Variants in SPATA17 observed in about 807,000 individuals in gnomAD.
SPATA17 encodes spermatogenesis-associated protein 17.
Under a neutral mutation model 62.2 loss-of-function variants are expected in SPATA17, and 53 were observed. That is an observed-to-expected ratio of 0.85 (90% confidence interval 0.68 to 1.07). SPATA17 has a LOEUF of 1.07. Ranked by LOEUF, SPATA17 falls within the 50% of genes least tolerant of loss-of-function variation. The pLI is 0.00. For missense variants in SPATA17, 466 were observed against 425.5 expected (o/e 1.10, Z -0.84); for synonymous variants, 146 against 146.8 (o/e 0.99, Z 0.04).
Position 217,680,860 on chromosome 1 carries a change from G to A in SPATA17, c.292-2398G>A, listed in dbSNP as rs1277526973. ...GAATCGTTTGAACCCAGGAGACAGA[G>A]GTTGCAGTGGGCCGAGATCATGCCA... is the stretch of plus-strand genomic sequence containing the variant. On this transcript the variant is annotated intron_variant, in intron 4 of 10. Transcript: ENST00000366933. 2.0e-5 allele frequency among the ~76,000 whole-genome samples: 3 copies of A among 148,654 alleles called. No individual in the cohort carries two copies. The Admixed American group carries it at 2.0e-4, about 10-fold the overall frequency.
In SPATA17 at chr1:217,700,077, C is replaced by A. The variant is rs369492499; in HGVS notation, c.395+16716C>A. On this transcript the variant is annotated intron_variant, in intron 5 of 10. Coordinates refer to ENST00000366933, the MANE Select transcript of SPATA17 (RefSeq NM_138796.4). ...TTATCTACTGTAACTATATAATAAA[C>A]CTTAACGTTGGGCAGGGGGATTCCT... Among the ~76,000 whole-genome samples the A allele has an allele frequency of 1.9e-3, 291 of 152,156 alleles. 2 individuals carry two copies. The highest frequency in any genetic ancestry group is 0.017 in the Middle Eastern group (5 of 294).
intron 5 of SPATA17, among the ~76,000 whole-genome samples, chr1:217,720,178 A>G (rs1485413068): frequency 1.3e-5 from 2 of 152,228 alleles, no homozygotes; most frequent in Non-Finnish European, 2.9e-5. Context: ...AAATTAGTAA[A>G]GGTAAAATGT....
At chr1:217,757,685 G>A (rs1317150816) in intron 6 of SPATA17, among the ~76,000 whole-genome samples, 1 of 152,154 alleles carries the variant, frequency 6.6e-6, no homozygotes, top group Non-Finnish European at 1.5e-5. Flanking sequence ...GTAGAAGCTT[G>A]TACATGTTCG....
intron 9 of SPATA17, among the ~76,000 whole-genome samples, chr1:217,828,394 A>T (rs899023591): frequency 2.0e-5 from 3 of 151,654 alleles, no homozygotes; most frequent in African/African-American, 7.3e-5. Flanking sequence ...ATGAAATTGG[A>T]TGCTATTTTT....
At chr1:217,781,890 T>C (rs776719693) in intron 7 of SPATA17, among the ~76,000 whole-genome samples, 9 of 152,174 alleles carry the variant, frequency 5.9e-5, no homozygotes, top group Admixed American at 4.6e-4. Context: ...CAAAGCAACC[T>C]ATAACAAGTT....
At chr1:217,683,605 A>C (rs1235337664) in intron 5 of SPATA17, among the ~76,000 whole-genome samples, 2 of 151,788 alleles carry the variant, frequency 1.3e-5, no homozygotes, top group Admixed American at 6.6e-5. Flanking sequence ...CAGCCGGCTA[A>C]TTTTTTTCTA....
chr1:217,728,900 G>T (rs536084753), intron 5 of SPATA17, among the ~76,000 whole-genome samples: 1 of 152,154 alleles, frequency 6.6e-6, no homozygotes, highest in East Asian at 1.9e-4. Context: ...GGTAAGCCTT[G>T]TTATGCTGTC....
chr1:217,761,877 T>C (rs1226810205), intron 6 of SPATA17, among the ~76,000 whole-genome samples: 1 of 152,196 alleles, frequency 6.6e-6, no homozygotes, highest in East Asian at 1.9e-4. Flanking sequence ...CTTTCTTTTC[T>C]CACATTCATT....
intron 6 of SPATA17, among the ~76,000 whole-genome samples, chr1:217,744,229 G>A (rs997398877): frequency 3.6e-5 from 4 of 112,046 alleles, no homozygotes; most frequent in African/African-American, 1.1e-4. Flanking sequence ...TTGGGAGGCC[G>A]AGGCGGGCGG....
intron 9 of SPATA17, among the ~76,000 whole-genome samples, chr1:217,823,713 A>G (rs906121783): frequency 6.6e-6 from 1 of 151,872 alleles, no homozygotes; most frequent in Non-Finnish European, 1.5e-5. Context: ...TGGGGTGCTG[A>G]AGTCTCCTGT....
intron 1 of SPATA17, among the ~76,000 whole-genome samples, chr1:217,635,930 C>G (rs1223550704): frequency 6.6e-6 from 1 of 151,780 alleles, no homozygotes; most frequent in African/African-American, 2.4e-5. Context: ...GTCAGGAATT[C>G]GAGACCAGCC....
chr1:217,733,605 C>T (rs1302473221), intron 5 of SPATA17, among the ~76,000 whole-genome samples: 3 of 152,150 alleles, frequency 2.0e-5, no homozygotes, highest in East Asian at 1.9e-4. Flanking sequence ...ACGGTTTAAA[C>T]GTCTTTATTT....
rs970595748 is a variant in SPATA17 at position 217,648,753 on chromosome 1, G to A, written c.69-129G>A. On this transcript the variant is annotated intron_variant, in intron 1 of 10. Transcript: ENST00000366933. ...ATGCCTTATTTATTTATACTTTAAT[G>A]TTATTTAAAATGACATTTGAATTTA... The A allele has an allele frequency of 9.2e-4, 457 of 497,756 alleles. 3 individuals carry two copies. The highest frequency in any genetic ancestry group is 2.0e-4 in the Non-Finnish European group (58 of 289,100). The allele number at this position is 497,756 out of a possible 1,614,324, so 30.8% of individuals were successfully genotyped here. A position where few individuals can be genotyped will look rare whatever the true frequency, so the allele number is the denominator to read the frequency against.
chr1:217,643,007 C>T (rs1014818724), intron 1 of SPATA17, among the ~76,000 whole-genome samples: 7 of 152,110 alleles, frequency 4.6e-5, no homozygotes, highest in Non-Finnish European at 7.4e-5. Flanking sequence ...TGTTGCTGCT[C>T]TCTGGACCTC....
intron 10 of SPATA17, among the ~76,000 whole-genome samples, chr1:217,863,252 G>A (rs562294859): frequency 2.0e-5 from 3 of 150,882 alleles, no homozygotes; most frequent in Non-Finnish European, 4.4e-5. Context: ...CCTCCAGAGT[G>A]TCTGGGACTA....
chr1:217,808,478 T>A (rs1674499529), intron 9 of SPATA17, among the ~76,000 whole-genome samples: 1 of 152,100 alleles, frequency 6.6e-6, no homozygotes, highest in Non-Finnish European at 1.5e-5. Context: ...CCAGATCTAA[T>A]GATTCTATTA....
intron 5 of SPATA17, among the ~76,000 whole-genome samples, chr1:217,728,192 A>T (rs1192577085): frequency 6.6e-6 from 1 of 152,182 alleles, no homozygotes; most frequent in African/African-American, 2.4e-5. Flanking sequence ...CTATGAAATA[A>T]AATATATTCT....
chr1:217,792,306 A>G (rs1360862150), intron 8 of SPATA17, among the ~76,000 whole-genome samples: 1 of 152,198 alleles, frequency 6.6e-6, no homozygotes, highest in Non-Finnish European at 1.5e-5. Flanking sequence ...AGGAAACTCA[A>G]GAAACTAAGG....
At chr1:217,770,978 AT>A (rs374042087) in intron 6 of SPATA17, among the ~76,000 whole-genome samples, 145 of 50,138 alleles carry the variant, frequency 2.9e-3, no homozygotes, top group African/African-American at 7.0e-3. Context: ...AACTCATTGC[AT>A]TTTTTTTTTT....
Sources: gnomAD v4.1 joint callset for allele counts (sites outside exome capture counted in the v4.1 genomes callset) on GRCh38, gnomAD v4.1.1 for gene constraint, MANE v1.5 for transcripts, NCBI Gene and HGNC (gene_info 2026-07-23, HGNC 2026-07-21) for gene names.